The following PDE7B variants were observed in gnomAD, a reference collection of about 807,000 sequenced individuals.
The protein encoded by PDE7B is phosphodiesterase 7B, also known as 3',5'-cyclic-AMP phosphodiesterase 7B.
In PDE7B, 29 loss-of-function variants were observed where a neutral mutation model predicts 56.2. The observed-to-expected ratio is 0.52, with a 90% confidence interval of 0.38 to 0.70. The LOEUF is 0.70. PDE7B is among the 30% of genes least tolerant of loss of function. PDE7B has a pLI of 0.00. For missense variants in PDE7B, 490 were observed against 565.0 expected (o/e 0.87, Z 1.35); for synonymous variants, 197 against 196.9 (o/e 1.00, Z 0.00).
chr6:136,103,230 T>C (rs970604486), intron 2 of PDE7B, among the ~76,000 whole-genome samples: 6 of 152,170 alleles, frequency 3.9e-5, no homozygotes, highest in Non-Finnish European at 7.4e-5. Flanking sequence ...AAGTGGAAGA[T>C]TGAACGCCCA....
intron 2 of PDE7B, among the ~76,000 whole-genome samples, chr6:135,952,336 A>G (rs1348245747): frequency 3.3e-5 from 5 of 152,204 alleles, no homozygotes; most frequent in Admixed American, 2.6e-4. Context: ...TATAAGGACA[A>G]TTTTTTAAAT....
chr6:135,868,451 G>A (rs747553253), intron 1 of PDE7B, among the ~76,000 whole-genome samples: 34 of 150,876 alleles, frequency 2.3e-4, no homozygotes, highest in Non-Finnish European at 4.6e-4. Context: ...TTTTTGAGAC[G>A]GAGTCTCGCT....
chr6:135,903,633 A>G (rs9688863), intron 1 of PDE7B, among the ~76,000 whole-genome samples: 6,024 of 152,296 alleles, frequency 0.04, 411 homozygotes, highest in African/African-American at 0.14. Context: ...GTTCAGGGCC[A>G]AAGAGGTCCA....
At chr6:135,914,436 T>A (rs1776261616) in intron 1 of PDE7B, among the ~76,000 whole-genome samples, 1 of 149,352 alleles carries the variant, frequency 6.7e-6, no homozygotes, top group African/African-American at 2.4e-5. Context: ...AGTCATGGAA[T>A]CATACAGCAG....
chr6:136,167,522 C>T (rs1778813951), intron 8 of PDE7B, among the ~76,000 whole-genome samples: 1 of 152,286 alleles, frequency 6.6e-6, no homozygotes, highest in Non-Finnish European at 1.5e-5. Context: ...CTCCTCCTTG[C>T]CTTCCACCAT....
At chr6:136,180,041 G>A (rs1372731388) in intron 10 of PDE7B, among the ~76,000 whole-genome samples, 2 of 151,986 alleles carry the variant, frequency 1.3e-5, no homozygotes, top group East Asian at 1.9e-4. Flanking sequence ...TTCTTTTGGT[G>A]CAAAAAAACA....
chr6:135,986,936 ATTG>A (rs773057724), intron 2 of PDE7B, among the ~76,000 whole-genome samples: 20 of 152,154 alleles, frequency 1.3e-4, no homozygotes, highest in Non-Finnish European at 2.6e-4. Flanking sequence ...GGAAGACCTG[ATTG>A]TTGTTTGTAC....
intron 9 of PDE7B, 93 bp from the exon 10 acceptor site, chr6:136,178,904 G>C: frequency 7.4e-7 from 1 of 1,344,134 alleles, no homozygotes; most frequent in South Asian, 1.3e-5. Context: ...GCAGAAATTA[G>C]ATTACAAGCC....
At chr6:135,867,834 T>C (rs1775292764) in intron 1 of PDE7B, among the ~76,000 whole-genome samples, 1 of 152,228 alleles carries the variant, frequency 6.6e-6, no homozygotes, top group East Asian at 1.9e-4. Flanking sequence ...TATCACAAAC[T>C]GGAGCTGCAG....
intron 2 of PDE7B, among the ~76,000 whole-genome samples, chr6:136,039,878 A>G (rs1776386305): frequency 6.6e-6 from 1 of 152,192 alleles, no homozygotes; most frequent in Admixed American, 6.5e-5. Context: ...AACTCTTAGC[A>G]CTTTAGGTTT....
chr6:135,963,889 A>G (rs1583798793), intron 2 of PDE7B, among the ~76,000 whole-genome samples: 1 of 152,176 alleles, frequency 6.6e-6, no homozygotes, highest in Non-Finnish European at 1.5e-5. Context: ...TGGGGGAAAA[A>G]GCTGAGAGCA....
intron 3 of PDE7B, among the ~76,000 whole-genome samples, chr6:136,112,085 C>G (rs1411235316): frequency 6.6e-6 from 1 of 152,118 alleles, no homozygotes; most frequent in Non-Finnish European, 1.5e-5. Flanking sequence ...GTCCCTCCCC[C>G]ACCCACCTCA....
At chr6:136,131,294 A>G (rs1778112211) in intron 3 of PDE7B, among the ~76,000 whole-genome samples, 1 of 152,100 alleles carries the variant, frequency 6.6e-6, no homozygotes, top group Admixed American at 6.5e-5. Context: ...CATAAAAGAC[A>G]TATGTGTTTT....
At chr6:136,040,806 G>A (rs996406788) in intron 2 of PDE7B, among the ~76,000 whole-genome samples, 1 of 152,234 alleles carries the variant, frequency 6.6e-6, no homozygotes, top group Non-Finnish European at 1.5e-5. Flanking sequence ...TGCTTGAAAT[G>A]TTTCTTCCTT....
intron 1 of PDE7B, among the ~76,000 whole-genome samples, chr6:135,945,414 C>T (rs559386047): frequency 1.1e-4 from 16 of 152,290 alleles, no homozygotes; most frequent in Non-Finnish European, 2.4e-4. Context: ...CCTCCTTCCT[C>T]CATGGTCCAG....
intron 6 of PDE7B, among the ~76,000 whole-genome samples, chr6:136,153,809 G>A (rs146063536): frequency 6.6e-6 from 1 of 152,100 alleles, no homozygotes; most frequent in African/African-American, 2.4e-5. Flanking sequence ...TGTCAGAAAG[G>A]GGGGATTTAT....
Position 135,851,949 on chromosome 6 carries a change from C to T in PDE7B, c.-50C>T. The T allele has an allele frequency of 6.7e-7, 1 of 1,482,342 alleles. No individual in the cohort carries two copies. The allele number at this position is 1,482,342 out of a possible 1,614,324, so 91.8% of individuals were successfully genotyped here. A position where few individuals can be genotyped will look rare whatever the true frequency, so the allele number is the denominator to read the frequency against. ...AAGTCTTCATGAACAAGCAGCACCG[C>T]TCAGAGATTTCACGGCATTCAAAGG... On this transcript the variant is annotated 5_prime_UTR_variant, in exon 1 of 13. Coordinates refer to ENST00000308191, the MANE Select transcript of PDE7B (RefSeq NM_018945.4).
At chr6:135,855,776 G>A (rs561347279) in intron 1 of PDE7B, among the ~76,000 whole-genome samples, 1 of 152,118 alleles carries the variant, frequency 6.6e-6, no homozygotes, top group Non-Finnish European at 1.5e-5. Flanking sequence ...GGTCCCAGCA[G>A]GCATCTGATA....
rs79917020 is a variant in PDE7B, at chr6:136,184,402, A to G, written c.1046-2634A>G. On this transcript the variant is annotated intron_variant, in intron 11 of 12. Transcript: ENST00000308191. ...AGTTTTGAGTGATGTGCATTGTTCT[A>G]TACTTTCCAATATGGTAACAAGACA... Among the ~76,000 whole-genome samples the G allele has an allele frequency of 5.5e-3, 834 of 152,358 alleles. 14 individuals carry two copies. Among genetic ancestry groups the G allele is most frequent in the African/African-American group, 0.018 (735 of 41,590 alleles).
Sources: allele counts gnomAD v4.1 joint callset (sites outside exome capture counted in the v4.1 genomes callset), GRCh38; gene constraint gnomAD v4.1.1; transcripts MANE v1.5; gene names NCBI Gene and HGNC (gene_info 2026-07-23, HGNC 2026-07-21).